The following B4GALT5 variants were observed in gnomAD, a reference collection of about 807,000 sequenced individuals.
B4GALT5 encodes UDP-Gal:beta-GlcNAc beta-1,4-galactosyltransferase 5.
B4GALT5 carries 11 observed loss-of-function variants against 45.0 expected under a neutral mutation model. The ratio of observed to expected loss-of-function variants is 0.24; its 90% CI spans 0.15 to 0.40. The LOEUF is 0.40. Ranked by LOEUF, B4GALT5 falls within the 10% of genes least tolerant of loss-of-function variation. The pLI, the probability that B4GALT5 is intolerant of heterozygous loss-of-function variation, is 1.00. For synonymous variants in B4GALT5, 185 were observed against 182.9 expected, an observed-to-expected ratio of 1.01 and a Z score of -0.09; for missense variants, 337 against 500.2, an observed-to-expected ratio of 0.67 and a Z score of 3.11.
In B4GALT5 at chr20:49,640,483, C is replaced by A; in HGVS notation, c.789G>T (p.Met263Ile). ...TAAGAAGAAATGATACTCACAGATA[C>A]ATATACTTATCCAATTTGGTTGCAA... ...RHFATKLDKYMYLLPYTEFFG... is the reference protein window; with the variant it reads ...RHFATKLDKYIYLLPYTEFFG... The change falls in exon 6 of 9, where the codon ATG becomes ATT. Residue 263 changes from methionine (M) to isoleucine (I), a missense_variant. This residue lies in a region of B4GALT5 where 163 missense variants were observed against 292.8 expected (regional missense o/e 0.56). Coordinates refer to ENST00000371711, the MANE Select transcript of B4GALT5 (RefSeq NM_004776.4). The A allele has an allele frequency of 1.9e-6, 3 of 1,605,320 alleles. No individual in the cohort carries two copies. The highest frequency in any genetic ancestry group is 2.5e-6 in the Non-Finnish European group (3 of 1,176,940).
intron 7 of B4GALT5, among the ~76,000 whole-genome samples, chr20:49,639,169 A>T (rs565688119): frequency 1.3e-5 from 2 of 152,174 alleles, no homozygotes; most frequent in Non-Finnish European, 2.9e-5. Flanking sequence ...TTTTATACTC[A>T]TTTGTATTTT....
intron 1 of B4GALT5, among the ~76,000 whole-genome samples, chr20:49,665,230 C>A (rs773783179): frequency 6.6e-6 from 1 of 151,822 alleles, no homozygotes; most frequent in Non-Finnish European, 1.5e-5. Context: ...ACAGCCTGGG[C>A]TGTTCCTAGT....
At chr20:49,652,011 G>A (rs1022930916) in intron 2 of B4GALT5, among the ~76,000 whole-genome samples, 6 of 152,030 alleles carry the variant, frequency 3.9e-5, no homozygotes, top group Non-Finnish European at 8.8e-5. Context: ...TCTAGGAGGC[G>A]GAGGTTGCAG....
chr20:49,661,799 T>C (rs1160585266), intron 1 of B4GALT5, among the ~76,000 whole-genome samples: 1 of 152,168 alleles, frequency 6.6e-6, no homozygotes, highest in Admixed American at 6.5e-5. Flanking sequence ...GTGTGGTAAA[T>C]GCGACAACAT....
intron 1 of B4GALT5, among the ~76,000 whole-genome samples, chr20:49,690,481 G>A (rs1470134287): frequency 6.6e-6 from 1 of 151,624 alleles, no homozygotes; most frequent in South Asian, 2.1e-4. Flanking sequence ...TCTGGGAGGC[G>A]GAGGTTGCAG....
At chr20:49,654,660 G>A (rs551687044) in intron 2 of B4GALT5, among the ~76,000 whole-genome samples, 63 of 152,286 alleles carry the variant, frequency 4.1e-4, no homozygotes, top group Non-Finnish European at 1.6e-4. Context: ...AGAATAATTC[G>A]CATTTGCAAC....
At chr20:49,673,986 C>G (rs1313617989) in intron 1 of B4GALT5, among the ~76,000 whole-genome samples, 1 of 150,568 alleles carries the variant, frequency 6.6e-6, no homozygotes, top group Non-Finnish European at 1.5e-5. Flanking sequence ...GCCTGTAATC[C>G]CACCACTTTG....
rs1163104251 is a variant in B4GALT5, at chr20:49,713,654, G to A, written c.37C>T (p.Arg13Cys). 4.5e-6 allele frequency: 7 copies of A among 1,565,310 alleles called. No individual in the cohort carries two copies. The highest frequency in any genetic ancestry group is 1.4e-5 in the African/African-American group (1 of 71,432). ...ARRGLLRLPR[R>C]SLLAALFFFS... Reference sequence around the variant, plus strand: ...AAGAAGAGCGCGGCGAGCAGCGAGCGGCGCGGCAGCCGCAGCAGCCCCCGG... The same window carrying A: ...AAGAAGAGCGCGGCGAGCAGCGAGCAGCGCGGCAGCCGCAGCAGCCCCCGG... Residue 13 changes from arginine (R) to cysteine (C), a missense_variant, in exon 1 of 9, where the codon CGC (arginine) becomes TGC (cysteine). Coordinates refer to ENST00000371711, the MANE Select transcript of B4GALT5 (RefSeq NM_004776.4).
intron 3 of B4GALT5, among the ~76,000 whole-genome samples, chr20:49,645,224 A>C (rs1568716292): frequency 6.6e-6 from 1 of 151,936 alleles, no homozygotes; most frequent in Non-Finnish European, 1.5e-5. Context: ...CAAGCACTAC[A>C]ATCAGTGAGA....
At position 49,633,905 on chromosome 20, in the gene B4GALT5, A is replaced by C. The variant is rs1984440677; in HGVS notation, c.*2407T>G. On this transcript the variant is annotated 3_prime_UTR_variant, in exon 9 of 9. Coordinates refer to ENST00000371711, the MANE Select transcript of B4GALT5 (RefSeq NM_004776.4). Reference sequence around the variant, plus strand: ...GGAGAGGAGAATGAGAAGGGGAGAAAAGCCAAGGCAGGGACAAAGGCCCGG... The same window carrying C: ...GGAGAGGAGAATGAGAAGGGGAGAACAGCCAAGGCAGGGACAAAGGCCCGG... The C allele has an allele frequency of 6.6e-6, 1 of 152,596 alleles. No individual in the cohort carries two copies. Among genetic ancestry groups the C allele is most frequent in the South Asian group, 2.1e-4 (1 of 4,832 alleles). The allele number at this position is 152,596 out of a possible 1,614,324, so 9.5% of individuals were successfully genotyped here.
rs997759903 is a variant in B4GALT5, at chr20:49,634,080, T to C, written c.*2232A>G. On this transcript the variant is annotated 3_prime_UTR_variant, in exon 9 of 9. Transcript: ENST00000371711. ...CTTAAGTCTTAAAAAACATATGCTA[T>C]AGCTTACCGGCATTTTCAAGGGCAG... 2 of 152,636 alleles carry C rather than the reference T, an allele frequency of 1.3e-5. No homozygotes were observed. The highest frequency in any genetic ancestry group is 4.8e-5 in the African/African-American group (2 of 41,460). The allele number at this position is 152,636 out of a possible 1,614,324, so 9.5% of individuals were successfully genotyped here. A position where few individuals can be genotyped will look rare whatever the true frequency, so the allele number is the denominator to read the frequency against.
chr20:49,636,087 G>A lies in B4GALT5; in HGVS notation c.*225C>T. 1 of 563,468 alleles carries A rather than the reference G, an allele frequency of 1.8e-6. No individual in the cohort carries two copies. The highest frequency in any genetic ancestry group is 1.9e-5 in the African/African-American group (1 of 53,052). 34.9% of individuals were successfully genotyped at this position (563,468 alleles called of 1,614,324 possible). ...TCTGTCTTGTGAAAACAGAAAGCCAGTGCTGACGAAGGAAGTCCCCAAGCT... is the reference window on the plus strand; with the variant it reads ...TCTGTCTTGTGAAAACAGAAAGCCAATGCTGACGAAGGAAGTCCCCAAGCT... On this transcript the variant is annotated 3_prime_UTR_variant, in exon 9 of 9. Transcript: ENST00000371711.
chr20:49,664,470 A>ACACACACACT (rs1491449710), intron 1 of B4GALT5, among the ~76,000 whole-genome samples: 1 of 143,328 alleles, frequency 7.0e-6, no homozygotes, highest in Non-Finnish European at 1.5e-5. Context: ...ACACACACAC[A>ACACACACACT]CTTTAGATTC....
In B4GALT5 at chr20:49,635,031, GC is replaced by G. The variant is rs1258269194; in HGVS notation, c.*1280del. The G allele has an allele frequency of 1.3e-5, 2 of 152,174 alleles. No homozygotes were observed. The highest frequency in any genetic ancestry group is 4.8e-5 in the African/African-American group (2 of 41,418). 9.4% of individuals were successfully genotyped at this position (152,174 alleles called of 1,614,324 possible). On this transcript the variant is annotated 3_prime_UTR_variant, in exon 9 of 9. Coordinates refer to ENST00000371711, the MANE Select transcript of B4GALT5 (RefSeq NM_004776.4). Reference sequence around the variant, plus strand: ...GCACACAAGTGTCACCAGCTCCCTGGCTCCTGGCTCCCTATTTGAGTGCTCC... The same window carrying G: ...GCACACAAGTGTCACCAGCTCCCTGGTCCTGGCTCCCTATTTGAGTGCTCC...
At chr20:49,686,116 G>A (rs183481568) in intron 1 of B4GALT5, among the ~76,000 whole-genome samples, 9 of 152,308 alleles carry the variant, frequency 5.9e-5, no homozygotes, top group African/African-American at 1.9e-4. Context: ...GAAAATGTCC[G>A]CAGAATAAGA....
intron 4 of B4GALT5, 35 bp from the exon 5 acceptor site, chr20:49,642,619 G>A: frequency 6.7e-7 from 1 of 1,484,264 alleles, no homozygotes; most frequent in Non-Finnish European, 9.4e-7. Flanking sequence ...GCACAGTTAG[G>A]ACTCTCAGCT....
intron 1 of B4GALT5, among the ~76,000 whole-genome samples, chr20:49,689,510 T>C (rs910113166): frequency 6.6e-6 from 1 of 152,206 alleles, no homozygotes; most frequent in Non-Finnish European, 1.5e-5. Context: ...ATTTCAAATA[T>C]ACAGCAAAGT....
At chr20:49,665,947 G>A (rs1410265015) in intron 1 of B4GALT5, among the ~76,000 whole-genome samples, 1 of 152,024 alleles carries the variant, frequency 6.6e-6, no homozygotes, top group Non-Finnish European at 1.5e-5. Context: ...CGGGAGGCTA[G>A]AAAAATGGGG....
At chr20:49,684,792 AAGACAGAGGTTTGAGTCC>A (rs1480625359) in intron 1 of B4GALT5, among the ~76,000 whole-genome samples, 1 of 152,224 alleles carries the variant, frequency 6.6e-6, no homozygotes, top group Non-Finnish European at 1.5e-5. Context: ...TCACTCAGCT[AAGACAGAGGTTTGAGTCC>A]CTGCTCGGCT....
Sources: allele counts gnomAD v4.1 joint callset (sites outside exome capture counted in the v4.1 genomes callset), GRCh38; gene constraint gnomAD v4.1.1; regional missense constraint gnomAD v4.1.1; transcripts MANE v1.5; gene names NCBI Gene and HGNC (gene_info 2026-07-23, HGNC 2026-07-21).